Variants in BCL6 observed in about 807,000 individuals in gnomAD.
BCL6 encodes BCL6 transcription repressor.
A neutral mutation model predicts 59.5 loss-of-function variants in BCL6; 7 were observed. That is an observed-to-expected ratio of 0.12 (90% CI 0.07 to 0.22). The LOEUF (loss-of-function observed/expected upper bound fraction) is 0.22. BCL6 is among the 10% of genes least tolerant of loss of function. The pLI, the probability that BCL6 is intolerant of heterozygous loss-of-function variation, is 1.00. For missense variants in BCL6, 685 were observed against 939.4 expected (o/e 0.73, Z 3.54); for synonymous variants, 339 against 349.7 (o/e 0.97, Z 0.34).
In BCL6 at chr3:187,733,631, G is replaced by A; in HGVS notation, c.63C>T (p.Asn21=). Residue 21 remains asparagine, a synonymous_variant, in exon 3 of 10, where the codon AAC becomes AAT. Transcript: ENST00000406870. ...TGTCTCGACTCCGGAGACGATTAAG[G>A]TTGAGAAGAACATCACTGGCATGGC... ...FTRHASDVLL[N]LNRLRSRDIL... 1.2e-6 allele frequency: 2 copies of A among 1,614,098 alleles called. No individual in the cohort carries two copies. Among genetic ancestry groups the A allele is most frequent in the South Asian group, 1.1e-5 (1 of 91,070 alleles).
rs754091486 is a variant in BCL6, at chr3:187,729,966, G to A, written c.439C>T (p.Arg147Trp). ...KPPREEFLNS[R>W]MLMPQDIMAY... ...ATGATGTCTTGGGGCATCAGCATCC[G>A]GCTGTTGAGGAACTCTTCACGAGGA... The change falls in exon 5 of 10, where the codon CGG becomes TGG. Residue 147 changes from arginine to tryptophan, a missense_variant. Arg to Trp is a moderately radical substitution (Grantham distance 101). This residue lies in a region of BCL6 where 268 missense variants were observed against 263.8 expected (regional missense o/e 1.02). Transcript: ENST00000406870. The surrounding 1 kb of genome is among the most constrained non-coding windows in gnomAD (Gnocchi z 5.6). 1.0e-5 allele frequency: 16 copies of A among 1,607,454 alleles called. No individual in the cohort carries two copies. The highest frequency in any genetic ancestry group is 1.7e-5 in the Admixed American group (1 of 59,288).
At position 187,728,412 on chromosome 3, in the gene BCL6, C is replaced by T. The variant is rs370060611; in HGVS notation, c.1488G>A (p.Thr496=). 53 of 1,610,726 alleles carry T rather than the reference C, an allele frequency of 3.3e-5. No individual in the cohort carries two copies. The highest frequency in any genetic ancestry group is 4.2e-5 in the Non-Finnish European group (50 of 1,178,620). ...GGGTCTCTCCCATCTCCTCAGGGAACGTGGGGCCAGCGGTGTGGAGGCACA... is the reference window on the plus strand; with the variant it reads ...GGGTCTCTCCCATCTCCTCAGGGAATGTGGGGCCAGCGGTGTGGAGGCACA... ...AEMCLHTAGP[T]FPEEMGETQS... The change falls in exon 6 of 10, where the codon ACG becomes ACA. Residue 496 remains threonine (T), a synonymous_variant. Transcript: ENST00000406870.
intron 1 of BCL6, among the ~76,000 whole-genome samples, chr3:187,744,990 C>G (rs560255095): frequency 2.0e-5 from 3 of 152,082 alleles, no homozygotes; most frequent in African/African-American, 2.4e-5. Context: ...CAAGCACTGT[C>G]TCGTCCTCTC....
At position 187,745,463 on chromosome 3, in the gene BCL6, A is replaced by G. The variant is rs922592437; in HGVS notation, c.-103T>C. On this transcript the variant is annotated 5_prime_UTR_variant, in exon 1 of 10. Coordinates refer to ENST00000406870, the MANE Select transcript of BCL6 (RefSeq NM_001706.5). ...TTGCATCACCACTTCTAAGAACCCC[A>G]GTTCTAAGAATCAACAGAGCTCAAT... 2.5e-6 allele frequency: 1 copy of G among 399,314 alleles called. No homozygotes were observed. The highest frequency in any genetic ancestry group is 4.4e-6 in the Non-Finnish European group (1 of 226,240). 24.7% of individuals were successfully genotyped at this position (399,314 alleles called of 1,614,324 possible).
At chr3:187,743,856 T>C (rs1711727859) in intron 1 of BCL6, among the ~76,000 whole-genome samples, 2 of 151,956 alleles carry the variant, frequency 1.3e-5, no homozygotes, top group South Asian at 2.1e-4. Context: ...GAGCCACAGG[T>C]TGCAAATCCA....
Position 187,722,287 on chromosome 3 carries a change from G to T in BCL6, c.*171C>A. 1 of 674,426 alleles carries T rather than the reference G, an allele frequency of 1.5e-6. No individual in the cohort carries two copies. The highest frequency in any genetic ancestry group is 2.2e-6 in the Non-Finnish European group (1 of 448,128). 41.8% of individuals were successfully genotyped at this position (674,426 alleles called of 1,614,324 possible). A position where few individuals can be genotyped will look rare whatever the true frequency, so the allele number is the denominator to read the frequency against. ...GCAGTGGGGGAGGGGGAGCTGCTGC[G>T]GCTCCCAGTCCCCCAGGCCCCGACC... On this transcript the variant is annotated 3_prime_UTR_variant, in exon 10 of 10. Transcript: ENST00000406870.
rs1579811386 is a variant in BCL6 at position 187,729,250 on chromosome 3, G to T, written c.1155C>A (p.Ser385Arg). 1 of 1,614,144 alleles carries T rather than the reference G, an allele frequency of 6.2e-7. No homozygotes were observed. Among genetic ancestry groups the T allele is most frequent in the East Asian group, 2.2e-5 (1 of 44,860 alleles). The change falls in exon 5 of 10, where the codon AGC (serine) becomes AGA (arginine). Residue 385 changes from serine (S) to arginine (R), a missense_variant. Coordinates refer to ENST00000406870, the MANE Select transcript of BCL6 (RefSeq NM_001706.5). The surrounding 1 kb of genome is among the most constrained non-coding windows in gnomAD (Gnocchi z 5.6). ...WKKYKFIVLN[S>R]LNQNAKPEGP... ...CCTCTGGTTTGGCATTCTGGTTGAG[G>T]CTGTTGAGCACGATGAACTTGTATT...
At chr3:187,744,618 T>A in intron 1 of BCL6, among the ~76,000 whole-genome samples, 1 of 152,186 alleles carries the variant, frequency 6.6e-6, no homozygotes, top group Admixed American at 6.5e-5. Context: ...CTTGCATTTT[T>A]TCCTTCCAAA....
intron 1 of BCL6, among the ~76,000 whole-genome samples, chr3:187,744,972 T>G (rs564086880): frequency 6.6e-6 from 1 of 151,802 alleles, no homozygotes; most frequent in South Asian, 2.1e-4. Flanking sequence ...CTAGCCCGAA[T>G]CACCCCCCAA....
At position 187,729,233 on chromosome 3, in the gene BCL6, T is replaced by C. The variant is rs769861975; in HGVS notation, c.1172A>G (p.Lys391Arg). The C allele has an allele frequency of 7.4e-6, 12 of 1,614,030 alleles. No individual in the cohort carries two copies. The highest frequency in any genetic ancestry group is 2.2e-5 in the East Asian group (1 of 44,866). The change falls in exon 5 of 10, where the codon AAA (lysine) becomes AGA (arginine). Residue 391 changes from lysine to arginine, a missense_variant. Physicochemically the swap from Lys to Arg is conservative, Grantham distance 26. Transcript: ENST00000406870. This position sits in a 1 kb window ranked among gnomAD's most constrained non-coding sequence, Gnocchi z 5.6. Reference protein sequence around the residue: ...IVLNSLNQNAKPEGPEQAELG... With the variant: ...IVLNSLNQNARPEGPEQAELG... Reference sequence around the variant, plus strand: ...CTCAGCCTGCTCAGGCCCCTCTGGTTTGGCATTCTGGTTGAGGCTGTTGAG... The same window carrying C: ...CTCAGCCTGCTCAGGCCCCTCTGGTCTGGCATTCTGGTTGAGGCTGTTGAG...
At chr3:187,731,583 A>G in intron 4 of BCL6, 126 bp downstream of exon 4, 1 of 909,186 alleles carries the variant, frequency 1.1e-6, no homozygotes, top group Non-Finnish European at 1.7e-6. Context: ...GTGTGCAACA[A>G]GAGTGGAAAT....
chr3:187,737,541 TGCGC>T (rs896906074), intron 1 of BCL6: 17 of 152,574 alleles, frequency 1.1e-4, no homozygotes, highest in Admixed American at 1.1e-3. Context: ...ACACCAGCCC[TGCGC>T]GCCGGGGCAA....
chr3:187,741,074 C>T (rs1711569645), intron 1 of BCL6, among the ~76,000 whole-genome samples: 1 of 152,164 alleles, frequency 6.6e-6, no homozygotes, highest in Non-Finnish European at 1.5e-5. Context: ...CGCCGCGCGG[C>T]CGCAGCTTCC....
intron 1 of BCL6, among the ~76,000 whole-genome samples, chr3:187,742,638 A>G (rs1196724515): frequency 1.3e-5 from 2 of 150,650 alleles, no homozygotes; most frequent in Non-Finnish European, 3.0e-5. Flanking sequence ...ACTTCTATTT[A>G]TAAGCTTGGG....
chr3:187,726,810 G>C lies in BCL6; in HGVS notation c.1629C>G (p.Asp543Glu). ...LKRHTLQTHS[D>E]KPYKCDRCQA... ...GGCAGCGGTCACACTTGTAGGGTTT[G>C]TCACTGTGGGTCTGCAGCGTGTGCC... The change falls in exon 7 of 10, where the codon GAC (aspartate) becomes GAG (glutamate). Residue 543 changes from aspartate (D) to glutamate (E), a missense_variant. Asp to Glu is a conservative substitution (Grantham distance 45). This residue lies in a region of BCL6 where 207 missense variants were observed against 213.7 expected (regional missense o/e 0.97). Transcript: ENST00000406870. 2 of 1,614,220 alleles carry C rather than the reference G, an allele frequency of 1.2e-6. No individual in the cohort carries two copies. Among genetic ancestry groups the C allele is most frequent in the Middle Eastern group, 1.6e-4 (1 of 6,062 alleles).
Position 187,725,762 on chromosome 3 carries a change from T to G in BCL6, c.1709-133A>C. On this transcript the variant is annotated intron_variant, in intron 7 of 9. Transcript: ENST00000406870. This position sits in a 1 kb window ranked among gnomAD's most constrained non-coding sequence, Gnocchi z 4.7. Reference sequence around the variant, plus strand: ...GTGTTTTCCTTTCCCTTAGGGAATGTGAGAGAGAGAATCCAGGGGCCTGCC... The same window carrying G: ...GTGTTTTCCTTTCCCTTAGGGAATGGGAGAGAGAGAATCCAGGGGCCTGCC... The G allele has an allele frequency of 8.7e-7, 1 of 1,154,516 alleles. No individual in the cohort carries two copies. The highest frequency in any genetic ancestry group is 1.2e-6 in the Non-Finnish European group (1 of 829,522). 71.5% of individuals were successfully genotyped at this position (1,154,516 alleles called of 1,614,324 possible).
intron 1 of BCL6, among the ~76,000 whole-genome samples, chr3:187,744,365 C>T (rs1576884791): frequency 6.6e-6 from 1 of 152,072 alleles, no homozygotes; most frequent in African/African-American, 2.4e-5. Context: ...AGTCTCTCTC[C>T]TCGGGATGAG....
rs762173942 is a variant in BCL6 at position 187,725,454 on chromosome 3, G to C, written c.1839+45C>G. On this transcript the variant is annotated intron_variant, in intron 8 of 9. Coordinates refer to ENST00000406870, the MANE Select transcript of BCL6 (RefSeq NM_001706.5). This position sits in a 1 kb window ranked among gnomAD's most constrained non-coding sequence, Gnocchi z 4.7. ...TGCCCACTCCTCCGCTCGCCTGCCC[G>C]CTCCGCTCGCCTGCCCGCTCCGCTC... is the stretch of plus-strand genomic sequence containing the variant. The C allele has an allele frequency of 5.2e-6, 8 of 1,545,814 alleles. No homozygotes were observed. Among genetic ancestry groups the C allele is most frequent in the East Asian group, 2.3e-5 (1 of 43,954 alleles).
chr3:187,728,540 T>A lies in BCL6; in HGVS notation c.1360A>T (p.Met454Leu). ...CTGCTGCTGCGGGGAGAGCCCGTCATGGACCTATGGACAGGAGTAAAAACA... is the reference window on the plus strand; with the variant it reads ...CTGCTGCTGCGGGGAGAGCCCGTCAAGGACCTATGGACAGGAGTAAAAACA... The part of the protein sequence containing the change: ...SRLNNIVNRS[M>L]TGSPRSSSES... Residue 454 changes from methionine to leucine, a missense_variant, in exon 6 of 10, where the codon ATG becomes TTG. Coordinates refer to ENST00000406870, the MANE Select transcript of BCL6 (RefSeq NM_001706.5). The A allele has an allele frequency of 6.2e-7, 1 of 1,600,900 alleles. No homozygotes were observed. Among genetic ancestry groups the A allele is most frequent in the Non-Finnish European group, 8.5e-7 (1 of 1,176,420 alleles).
Sources: allele counts gnomAD v4.1 joint callset (sites outside exome capture counted in the v4.1 genomes callset), GRCh38; gene constraint gnomAD v4.1.1; regional missense constraint gnomAD v4.1.1; non-coding constraint Gnocchi (gnomAD v3.1); transcripts MANE v1.5; gene names NCBI Gene and HGNC (gene_info 2026-07-23, HGNC 2026-07-21).